Variants in LUZP2 observed in about 807,000 individuals in gnomAD.
LUZP2 encodes the protein leucine zipper protein 2.
Under a neutral mutation model 51.6 loss-of-function variants are expected in LUZP2, and 52 were observed. The observed-to-expected ratio is 1.01, with a 90% CI of 0.81 to 1.27. The LOEUF is 1.27. LUZP2 is among the 50% of genes most tolerant of loss of function. The pLI, the probability that LUZP2 is intolerant of heterozygous loss-of-function variation, is 0.00. For synonymous variants in LUZP2, 154 were observed against 137.3 expected (o/e 1.12, Z -0.85); for missense variants, 436 against 395.4 (o/e 1.10, Z -0.87).
intron 1 of LUZP2, among the ~76,000 whole-genome samples, chr11:24,533,725 C>T (rs553098999): frequency 3.3e-5 from 5 of 151,214 alleles, no homozygotes; most frequent in South Asian, 2.1e-4. Flanking sequence ...TGCTTTTGTA[C>T]GAGTTCTTGT....
intron 1 of LUZP2, among the ~76,000 whole-genome samples, chr11:24,533,578 T>A (rs954981812): frequency 1.9e-4 from 29 of 151,294 alleles, no homozygotes; most frequent in Non-Finnish European, 3.4e-4. Flanking sequence ...AATATTTTGT[T>A]CTCCTGATAT....
intron 1 of LUZP2, among the ~76,000 whole-genome samples, chr11:24,596,882 T>C (rs1303653401): frequency 1.3e-5 from 2 of 152,216 alleles, no homozygotes; most frequent in Non-Finnish European, 2.9e-5. Flanking sequence ...CCACCTTTTC[T>C]GAATAAGTGG....
At chr11:24,522,884 C>T (rs934274339) in intron 1 of LUZP2, among the ~76,000 whole-genome samples, 2 of 152,074 alleles carry the variant, frequency 1.3e-5, no homozygotes, top group Non-Finnish European at 2.9e-5. Flanking sequence ...AATCTTCCTA[C>T]TTCCAATATC....
intron 1 of LUZP2, among the ~76,000 whole-genome samples, chr11:24,590,999 G>A (rs528852806): frequency 6.6e-6 from 1 of 152,162 alleles, no homozygotes; most frequent in Non-Finnish European, 1.5e-5. Context: ...TACTCCCAGT[G>A]CTTTGGAGGC....
At chr11:24,740,353 T>C (rs1348556997) in intron 4 of LUZP2, among the ~76,000 whole-genome samples, 1 of 152,120 alleles carries the variant, frequency 6.6e-6, no homozygotes, top group Admixed American at 6.6e-5. Context: ...ATGACAAATG[T>C]CATGGACAAA....
At chr11:24,795,152 C>T (rs931348896) in intron 5 of LUZP2, among the ~76,000 whole-genome samples, 1 of 152,198 alleles carries the variant, frequency 6.6e-6, no homozygotes, top group East Asian at 1.9e-4. Flanking sequence ...ATCATATGGA[C>T]AATATACATG....
At chr11:24,633,247 GAAAC>G (rs1328682403) in intron 1 of LUZP2, among the ~76,000 whole-genome samples, 2 of 151,854 alleles carry the variant, frequency 1.3e-5, no homozygotes, top group Non-Finnish European at 2.9e-5. Context: ...CAAAAACAAT[GAAAC>G]AAACAGATCT....
At chr11:24,816,987 A>G (rs1043192917) in intron 5 of LUZP2, among the ~76,000 whole-genome samples, 1 of 152,062 alleles carries the variant, frequency 6.6e-6, no homozygotes, top group Non-Finnish European at 1.5e-5. Flanking sequence ...CATTACCCTC[A>G]GGGATTAAAT....
intron 1 of LUZP2, among the ~76,000 whole-genome samples, chr11:24,566,060 AT>A (rs2133784483): frequency 6.6e-6 from 1 of 151,966 alleles, no homozygotes; most frequent in South Asian, 2.1e-4. Context: ...AATAAAAAAA[AT>A]TACAAGGCAT....
intron 1 of LUZP2, among the ~76,000 whole-genome samples, chr11:24,602,033 T>TATGC (rs1853684588): frequency 1.4e-5 from 2 of 144,592 alleles, no homozygotes; most frequent in Non-Finnish European, 3.0e-5. Context: ...TGTGTATATA[T>TATGC]GTATATCTGT....
At chr11:24,730,044 C>T (rs1156598018) in intron 2 of LUZP2, among the ~76,000 whole-genome samples, 1 of 151,562 alleles carries the variant, frequency 6.6e-6, no homozygotes, top group African/African-American at 2.4e-5. Flanking sequence ...TGTTTTTAAA[C>T]CATGTGGAGT....
At chr11:24,895,712 TA>T (rs1466716109) in intron 5 of LUZP2, among the ~76,000 whole-genome samples, 1 of 152,230 alleles carries the variant, frequency 6.6e-6, no homozygotes, top group East Asian at 1.9e-4. Context: ...GGTTGCATAG[TA>T]TTCCATGGTG....
intron 1 of LUZP2, among the ~76,000 whole-genome samples, chr11:24,725,175 G>C (rs1257736002): frequency 6.6e-6 from 1 of 151,998 alleles, no homozygotes; most frequent in Non-Finnish European, 1.5e-5. Context: ...AAAAACAATA[G>C]GGGGGATGAA....
At chr11:24,882,730 C>T (rs1852511904) in intron 5 of LUZP2, among the ~76,000 whole-genome samples, 1 of 151,100 alleles carries the variant, frequency 6.6e-6, no homozygotes, top group Non-Finnish European at 1.5e-5. Context: ...TATAATCCAT[C>T]CATGTCTTCT....
intron 5 of LUZP2, among the ~76,000 whole-genome samples, chr11:24,814,172 C>A (rs1029899873): frequency 6.6e-6 from 1 of 152,202 alleles, no homozygotes; most frequent in East Asian, 1.9e-4. Context: ...GAATTAATAA[C>A]TTCCTCCTTT....
At chr11:24,576,129 G>T (rs1426822934) in intron 1 of LUZP2, among the ~76,000 whole-genome samples, 1 of 151,844 alleles carries the variant, frequency 6.6e-6, no homozygotes, top group Non-Finnish European at 1.5e-5. Context: ...TTAAAAAATG[G>T]ACACCTGGCA....
At chr11:25,010,942 C>A (rs1264217307) in intron 9 of LUZP2, among the ~76,000 whole-genome samples, 1 of 152,046 alleles carries the variant, frequency 6.6e-6, no homozygotes, top group Non-Finnish European at 1.5e-5. Context: ...CAAGTACTCC[C>A]AATTAATAGG....
At chr11:24,734,988 A>G (rs896532200) in intron 3 of LUZP2, among the ~76,000 whole-genome samples, 38 of 151,924 alleles carry the variant, frequency 2.5e-4, no homozygotes, top group African/African-American at 8.0e-4. Context: ...GTCATAGCTG[A>G]TGATTCAGAG....
intron 9 of LUZP2, among the ~76,000 whole-genome samples, chr11:24,994,391 C>T (rs571190911): frequency 2.0e-4 from 31 of 152,226 alleles, no homozygotes; most frequent in South Asian, 1.0e-3. Flanking sequence ...GTTGAAAAGA[C>T]TTGTTTTATT....
Sources: allele counts gnomAD v4.1 joint callset (sites outside exome capture counted in the v4.1 genomes callset), GRCh38; gene constraint gnomAD v4.1.1; transcripts MANE v1.5; gene names NCBI Gene and HGNC (gene_info 2026-07-23, HGNC 2026-07-21).